Variants in FOXP1 observed in about 807,000 individuals in gnomAD.
FOXP1 encodes forkhead box protein P1.
In FOXP1, 15 loss-of-function variants were observed where a neutral mutation model predicts 98.2. The observed-to-expected ratio is 0.15, with a 90% confidence interval of 0.10 to 0.24. The LOEUF is 0.24. Ranked by LOEUF, FOXP1 falls within the 10% of genes least tolerant of loss-of-function variation. The pLI is 1.00. For missense variants in FOXP1, 633 were observed against 848.5 expected, an observed-to-expected ratio of 0.75 and a Z score of 3.15; for synonymous variants, 371 against 314.5, an observed-to-expected ratio of 1.18 and a Z score of -1.90.
intron 4 of FOXP1, among the ~76,000 whole-genome samples, chr3:71,321,402 C>G (rs1351917273): frequency 1.3e-5 from 2 of 152,124 alleles, no homozygotes; most frequent in African/African-American, 4.8e-5. Context: ...GCCATAGCCC[C>G]AGACTCAAGA....
intron 4 of FOXP1, among the ~76,000 whole-genome samples, chr3:71,320,742 C>T (rs996828119): frequency 8.5e-5 from 13 of 152,152 alleles, no homozygotes; most frequent in African/African-American, 1.2e-4. Flanking sequence ...ACAACGTTAA[C>T]GGCAACAATT....
intron 3 of FOXP1, among the ~76,000 whole-genome samples, chr3:71,490,117 T>A (rs1206103240): frequency 6.6e-6 from 1 of 152,236 alleles, no homozygotes; most frequent in Non-Finnish European, 1.5e-5. Flanking sequence ...TGACTAACTA[T>A]CAGATGCATA....
chr3:71,501,442 G>A lies in FOXP1; in HGVS notation c.-297-7887C>T, dbSNP rs1313120323. On this transcript the variant is annotated intron_variant, in intron 2 of 20. Coordinates refer to ENST00000649528, the MANE Select transcript of FOXP1 (RefSeq NM_001349338.3). ...CCCGAGTAGCTGGGATTACAGGCAC[G>A]CACCACCACACCCACCTAATTTTTG... 4.6e-5 allele frequency among the ~76,000 whole-genome samples: 7 copies of A among 151,748 alleles called. No individual in the cohort carries two copies. The East Asian group carries it at 1.2e-3, about 26-fold the overall frequency.
intron 3 of FOXP1, among the ~76,000 whole-genome samples, chr3:71,390,189 C>A (rs556402746): frequency 6.6e-6 from 1 of 152,276 alleles, no homozygotes; most frequent in South Asian, 2.1e-4. Flanking sequence ...CAACGCAATG[C>A]CTTCACCTTG....
In FOXP1 at chr3:70,977,715, A is replaced by G; in HGVS notation, c.1356T>C (p.Ile452=). 1 of 1,614,128 alleles carries G rather than the reference A, an allele frequency of 6.2e-7. No individual in the cohort carries two copies. The highest frequency in any genetic ancestry group is 8.5e-7 in the Non-Finnish European group (1 of 1,179,954). ...KYNVPISSAD[I]AQNQEFYKNA... is the part of the protein sequence containing the mutation. ...TCTTATAAAATTCTTGGTTCTGCGCAATATCTGCTGAATAAGAATCATTGT... is the reference window on the plus strand; with the variant it reads ...TCTTATAAAATTCTTGGTTCTGCGCGATATCTGCTGAATAAGAATCATTGT... Residue 452 remains isoleucine, a synonymous_variant, in exon 16 of 21, where the codon ATT becomes ATC. Transcript: ENST00000649528.
intron 12 of FOXP1, among the ~76,000 whole-genome samples, chr3:71,014,307 C>T (rs147059337): frequency 0.032 from 4,842 of 152,248 alleles, 267 homozygotes; most frequent in African/African-American, 0.11. Context: ...AAAAATCAAA[C>T]AACCCCATCA....
chr3:71,470,462 C>T (rs1194981452), intron 3 of FOXP1, among the ~76,000 whole-genome samples: 2 of 152,144 alleles, frequency 1.3e-5, no homozygotes, highest in Admixed American at 1.3e-4. Flanking sequence ...CGTTTGAGGC[C>T]GGTGCGGTGG....
At chr3:71,398,188 T>G (rs1162004006) in intron 3 of FOXP1, among the ~76,000 whole-genome samples, 1 of 152,240 alleles carries the variant, frequency 6.6e-6, no homozygotes, top group African/African-American at 2.4e-5. Flanking sequence ...TGTGCCTCTT[T>G]CCTTAGAAGC....
chr3:71,083,143 G>C (rs1212311193), intron 7 of FOXP1, among the ~76,000 whole-genome samples: 1 of 152,260 alleles, frequency 6.6e-6, no homozygotes, highest in South Asian at 2.1e-4. Context: ...GGTGGGGCCT[G>C]GTGGGAGGTA....
intron 6 of FOXP1, among the ~76,000 whole-genome samples, chr3:71,170,428 C>T (rs2108211977): frequency 6.6e-6 from 1 of 152,282 alleles, no homozygotes; most frequent in African/African-American, 2.4e-5. Flanking sequence ...ATTTTAATTC[C>T]TGCAGGCTGT....
chr3:71,198,081 AAGAC>A (rs765987413), intron 6 of FOXP1, 117 bp downstream of exon 6: 1 of 1,614,150 alleles, frequency 6.2e-7, no homozygotes, highest in Non-Finnish European at 8.5e-7. Flanking sequence ...GACAGACAGA[AAGAC>A]AGATGGACAG....
chr3:71,051,846 T>C (rs2049937486), intron 9 of FOXP1, among the ~76,000 whole-genome samples: 1 of 152,144 alleles, frequency 6.6e-6, no homozygotes, highest in Non-Finnish European at 1.5e-5. Context: ...ATGGGACGAA[T>C]GCTGTCAACC....
At chr3:71,282,824 C>A (rs981039253) in intron 5 of FOXP1, among the ~76,000 whole-genome samples, 4 of 152,176 alleles carry the variant, frequency 2.6e-5, no homozygotes, top group Non-Finnish European at 4.4e-5. Flanking sequence ...TCAGGCCATG[C>A]CCAAAAACTG....
intron 2 of FOXP1, among the ~76,000 whole-genome samples, chr3:71,568,446 G>C (rs910975708): frequency 6.6e-6 from 1 of 152,108 alleles, no homozygotes; most frequent in African/African-American, 2.4e-5. Flanking sequence ...TGGTTTCATG[G>C]ACATGTGACC....
intron 3 of FOXP1, among the ~76,000 whole-genome samples, chr3:71,388,450 C>T (rs751823306): frequency 2.0e-5 from 3 of 152,102 alleles, no homozygotes; most frequent in South Asian, 2.1e-4. Flanking sequence ...TAAATCTACC[C>T]GAACATGCAT....
chr3:71,116,992 G>T lies in FOXP1; in HGVS notation c.181-4355C>A, dbSNP rs533125014. ...GAGACCTATGTTCACCATGTTTCCT[G>T]CAGATGATGACTTGATAGCCATTTT... On this transcript the variant is annotated intron_variant, in intron 6 of 20. Transcript: ENST00000649528. Among the ~76,000 whole-genome samples, 3 of 152,310 alleles carry T rather than the reference G, an allele frequency of 2.0e-5. No individual in the cohort carries two copies. In the East Asian group the frequency reaches 5.8e-4, roughly 29 times the overall value.
chr3:71,496,281 G>A (rs1297164425), intron 2 of FOXP1, among the ~76,000 whole-genome samples: 1 of 152,152 alleles, frequency 6.6e-6, no homozygotes, highest in African/African-American at 2.4e-5. Flanking sequence ...GTAGGTGTCT[G>A]GGCAGATAAG....
chr3:71,110,808 T>G (rs1159486564), intron 7 of FOXP1, among the ~76,000 whole-genome samples: 1 of 152,212 alleles, frequency 6.6e-6, no homozygotes, highest in Non-Finnish European at 1.5e-5. Context: ...TCCAGAGCTG[T>G]TCTTAAGACA....
intron 6 of FOXP1, chr3:71,130,561 GC>G: frequency 6.3e-7 from 1 of 1,598,454 alleles, no homozygotes; most frequent in Non-Finnish European, 8.5e-7. Context: ...CCGTCTTCTT[GC>G]TGTAGATGGG....
Sources: gnomAD v4.1 joint callset for allele counts (sites outside exome capture counted in the v4.1 genomes callset) on GRCh38, gnomAD v4.1.1 for gene constraint, MANE v1.5 for transcripts, NCBI Gene and HGNC (gene_info 2026-07-23, HGNC 2026-07-21) for gene names.